The following BBX variants were observed in gnomAD, a reference collection of about 807,000 sequenced individuals.
BBX encodes the protein HMG box transcription factor BBX.
In BBX, 30 loss-of-function variants were observed where a neutral mutation model predicts 100.2. That is an observed-to-expected ratio of 0.30 (90% CI 0.22 to 0.41). The LOEUF (loss-of-function observed/expected upper bound fraction) is 0.41, where lower values mean the gene tolerates loss of function less well. BBX is among the 10% of genes least tolerant of loss of function. The pLI is 1.00. For synonymous variants in BBX, 376 were observed against 388.1 expected (o/e 0.97, Z 0.37); for missense variants, 1,023 against 1,129.8 (o/e 0.91, Z 1.35).
At chr3:107,546,363 C>T (rs1196747056) in intron 2 of BBX, among the ~76,000 whole-genome samples, 2 of 152,124 alleles carry the variant, frequency 1.3e-5, no homozygotes, top group Non-Finnish European at 2.9e-5. Flanking sequence ...AACTTAAGGA[C>T]CATAGTTTTT....
intron 2 of BBX, among the ~76,000 whole-genome samples, chr3:107,541,981 A>G (rs772737906): frequency 1.3e-5 from 2 of 151,982 alleles, no homozygotes; most frequent in Non-Finnish European, 2.9e-5. Flanking sequence ...CCACGACTGG[A>G]TAGTTTTTCT....
intron 3 of BBX, among the ~76,000 whole-genome samples, chr3:107,679,764 A>G (rs6779452): frequency 0.3 from 45,046 of 152,064 alleles, 8,129 homozygotes; most frequent in East Asian, 0.92. Context: ...TGGGGGCTTT[A>G]TAAAAAAGCC....
At chr3:107,542,638 T>G (rs574612715) in intron 2 of BBX, among the ~76,000 whole-genome samples, 1 of 152,224 alleles carries the variant, frequency 6.6e-6, no homozygotes, top group Non-Finnish European at 1.5e-5. Flanking sequence ...TTTTATACCA[T>G]GCAACAACCT....
chr3:107,649,786 T>TA (rs2057731815), intron 3 of BBX, among the ~76,000 whole-genome samples: 2 of 152,200 alleles, frequency 1.3e-5, no homozygotes, highest in South Asian at 4.2e-4. Flanking sequence ...AGAGAAAGAG[T>TA]GAGTCCTGTA....
intron 2 of BBX, among the ~76,000 whole-genome samples, chr3:107,609,015 A>G (rs1332676611): frequency 6.6e-6 from 1 of 152,092 alleles, no homozygotes; most frequent in Non-Finnish European, 1.5e-5. Context: ...GGATGACTTG[A>G]CTTCTTCCTT....
At chr3:107,630,270 T>A (rs1349338724) in intron 2 of BBX, among the ~76,000 whole-genome samples, 3 of 152,202 alleles carry the variant, frequency 2.0e-5, no homozygotes, top group Admixed American at 2.0e-4. Context: ...GTAGTCTAGC[T>A]TGAGAGTGAT....
chr3:107,529,113 TAA>T (rs950772086), intron 2 of BBX, among the ~76,000 whole-genome samples: 1 of 152,192 alleles, frequency 6.6e-6, no homozygotes, highest in African/African-American at 2.4e-5. Flanking sequence ...ATTAGTGTCT[TAA>T]AAAAGTATAT....
At chr3:107,792,150 T>G (rs561187559) in intron 15 of BBX, among the ~76,000 whole-genome samples, 4 of 152,254 alleles carry the variant, frequency 2.6e-5, no homozygotes, top group African/African-American at 9.6e-5. Flanking sequence ...AGCCCTTAGG[T>G]GAAGCCTAAT....
chr3:107,777,601 G>A (rs778977328), intron 12 of BBX, among the ~76,000 whole-genome samples: 2 of 152,128 alleles, frequency 1.3e-5, no homozygotes, highest in Non-Finnish European at 2.9e-5. Context: ...GATCCAGCAG[G>A]CATGTTGCCA....
intron 3 of BBX, chr3:107,677,326 A>G (rs978422904): frequency 6.6e-6 from 1 of 152,146 alleles, no homozygotes. Flanking sequence ...GATACAGATT[A>G]TATTTCTGGT....
At chr3:107,684,004 A>AG (rs2108014819) in intron 3 of BBX, among the ~76,000 whole-genome samples, 1 of 152,254 alleles carries the variant, frequency 6.6e-6, no homozygotes, top group Non-Finnish European at 1.5e-5. Flanking sequence ...GTTGCTCTCT[A>AG]CTAACTGAAC....
chr3:107,710,050 A>C (rs1204678057), intron 3 of BBX, among the ~76,000 whole-genome samples: 1 of 152,210 alleles, frequency 6.6e-6, no homozygotes, highest in Non-Finnish European at 1.5e-5. Context: ...GAACTCTTCA[A>C]CTCTCTTGGG....
chr3:107,789,758 A>T (rs983896252), intron 13 of BBX, 29 bp from the exon 14 acceptor site: 124 of 1,352,138 alleles, frequency 9.2e-5, no homozygotes, highest in Middle Eastern at 2.3e-4. Flanking sequence ...TGTGAATTTA[A>T]AATATATTTA....
At chr3:107,765,940 A>C (rs567967205) in intron 10 of BBX, among the ~76,000 whole-genome samples, 1 of 152,338 alleles carries the variant, frequency 6.6e-6, no homozygotes, top group East Asian at 1.9e-4. Flanking sequence ...ATTTATTTGT[A>C]ATGATTTTCA....
chr3:107,536,203 T>TA (rs767366287), intron 2 of BBX, among the ~76,000 whole-genome samples: 1 of 152,228 alleles, frequency 6.6e-6, no homozygotes, highest in Non-Finnish European at 1.5e-5. Context: ...TTTCATAAAT[T>TA]ACACTTTTGT....
intron 14 of BBX, among the ~76,000 whole-genome samples, chr3:107,790,795 CAT>C (rs929378800): frequency 6.6e-6 from 1 of 152,122 alleles, no homozygotes; most frequent in Non-Finnish European, 1.5e-5. Context: ...TGTGTGTAGA[CAT>C]GTGTGCCTGT....
chr3:107,779,220 C>T (rs575739440), intron 13 of BBX, among the ~76,000 whole-genome samples: 26 of 151,622 alleles, frequency 1.7e-4, no homozygotes, highest in African/African-American at 6.1e-4. Context: ...AGGGTGGGGG[C>T]ATTTTCAGTG....
At position 107,696,603 on chromosome 3, in the gene BBX, C is replaced by T. The variant is rs146308162; in HGVS notation, c.-9-13849C>T. On this transcript the variant is annotated intron_variant, in intron 3 of 17. Coordinates refer to ENST00000325805, the MANE Select transcript of BBX (RefSeq NM_001142568.3). The stretch of plus-strand genomic sequence containing the variant: ...GATAGGCTTCCCTTTGAGGGTAATC[C>T]GAACTTTCTCTCTGGCTGCCCTTAA... Among the ~76,000 whole-genome samples the T allele has an allele frequency of 8.6e-4, 131 of 151,896 alleles. 2 individuals are homozygous for T. The highest frequency in any genetic ancestry group is 2.7e-3 in the African/African-American group (113 of 41,198).
At chr3:107,637,656 G>A (rs2056932371) in intron 2 of BBX, among the ~76,000 whole-genome samples, 1 of 152,212 alleles carries the variant, frequency 6.6e-6, no homozygotes, top group Non-Finnish European at 1.5e-5. Flanking sequence ...GTGATAGGGA[G>A]AAACATCAAC....
Sources: gnomAD v4.1 joint callset for allele counts (sites outside exome capture counted in the v4.1 genomes callset) on GRCh38, gnomAD v4.1.1 for gene constraint, MANE v1.5 for transcripts, NCBI Gene and HGNC (gene_info 2026-07-23, HGNC 2026-07-21) for gene names.